IP6K2: variants seen among roughly 807,000 people sequenced by gnomAD.
The protein encoded by IP6K2 is inositol hexakisphosphate kinase 2.
IP6K2 carries 9 observed loss-of-function variants against 43.3 expected under a neutral mutation model. That is an observed-to-expected ratio of 0.21 (90% CI 0.13 to 0.36). The LOEUF (loss-of-function observed/expected upper bound fraction) is 0.36. IP6K2 is among the 10% of genes least tolerant of loss of function. The pLI is 1.00. For synonymous variants in IP6K2, 209 were observed against 202.4 expected, an observed-to-expected ratio of 1.03 and a Z score of -0.28; for missense variants, 332 against 538.4, an observed-to-expected ratio of 0.62 and a Z score of 3.79.
chr3:48,715,451 CCTT>C (rs988020854), intron 1 of IP6K2: 1 of 1,535,798 alleles, frequency 6.5e-7, no homozygotes, highest in African/African-American at 1.4e-5. Flanking sequence ...AGTGGTTGCT[CCTT>C]CTTTCCTGGC....
intron 1 of IP6K2, among the ~76,000 whole-genome samples, chr3:48,706,537 G>GT (rs2079804182): frequency 6.6e-6 from 1 of 152,134 alleles, no homozygotes; most frequent in Admixed American, 6.6e-5. Context: ...ACAGACAGTT[G>GT]TAATATTGCT....
chr3:48,707,378 C>G (rs527572409), intron 1 of IP6K2, among the ~76,000 whole-genome samples: 1 of 152,182 alleles, frequency 6.6e-6, no homozygotes, highest in South Asian at 2.1e-4. Context: ...CACGCACTGT[C>G]CTTAAGATGT....
At chr3:48,702,512 C>T (rs1197259453) in intron 1 of IP6K2, among the ~76,000 whole-genome samples, 9 of 150,806 alleles carry the variant, frequency 6.0e-5, no homozygotes, top group Non-Finnish European at 8.8e-5. Context: ...GGCGTAATCA[C>T]GGCTCACTGC....
intron 2 of IP6K2, 173 bp from the exon 3 acceptor site, chr3:48,693,352 C>T (rs766957060): frequency 2.7e-6 from 3 of 1,118,882 alleles, no homozygotes. Context: ...GAAAAGATGA[C>T]ACCATACAAG....
Position 48,695,391 on chromosome 3 carries a change from C to A in IP6K2, c.-100G>T, listed in dbSNP as rs560808078. On this transcript the variant is annotated 5_prime_UTR_variant, in exon 2 of 6. Transcript: ENST00000328631. The surrounding 1 kb of genome is among the most constrained non-coding windows in gnomAD (Gnocchi z 4.6). ...TGTCCGTGTGTCCCTCTCGTCTTGG[C>A]TCCTTGGCTTGTTCTGGCCAGGATG... The A allele has an allele frequency of 9.6e-6, 14 of 1,459,178 alleles. No homozygotes were observed. In the East Asian group the frequency reaches 3.2e-4, roughly 34 times the overall value. 90.4% of individuals were successfully genotyped at this position (1,459,178 alleles called of 1,614,324 possible).
intron 1 of IP6K2, among the ~76,000 whole-genome samples, chr3:48,712,163 G>A (rs182018452): frequency 1.3e-5 from 2 of 151,960 alleles, no homozygotes; most frequent in African/African-American, 4.8e-5. Context: ...GGATGCTGAA[G>A]CAGGAGGATT....
rs1017211312 is a variant in IP6K2 at position 48,696,003 on chromosome 3, A to G, written c.-130-582T>C. The stretch of plus-strand genomic sequence containing the variant: ...AGGGTTCAAGCCATTTTCCTGCCTC[A>G]GCCTCCCGAGTAGCTGGGATTACAG... On this transcript the variant is annotated intron_variant, in intron 1 of 5. Coordinates refer to ENST00000328631, the MANE Select transcript of IP6K2 (RefSeq NM_016291.4). 3.3e-5 allele frequency among the ~76,000 whole-genome samples: 5 copies of G among 151,446 alleles called. No homozygotes were observed. The East Asian group carries it at 7.7e-4, about 23-fold the overall frequency.
At chr3:48,704,199 G>A (rs1224282367) in intron 1 of IP6K2, among the ~76,000 whole-genome samples, 1 of 152,204 alleles carries the variant, frequency 6.6e-6, no homozygotes, top group African/African-American at 2.4e-5. Context: ...CTGAAAGGAT[G>A]TCTTGTGGGG....
chr3:48,708,944 T>G (rs902714803), intron 1 of IP6K2, among the ~76,000 whole-genome samples: 1 of 152,152 alleles, frequency 6.6e-6, no homozygotes, highest in African/African-American at 2.4e-5. Flanking sequence ...GGTACATGCC[T>G]GTTGTCCCAG....
chr3:48,701,726 G>A lies in IP6K2; in HGVS notation c.-130-6305C>T, dbSNP rs141540531. ...AGCCTGGCCAACATGATGAAACCCC[G>A]TCTCTACTAATAATACAAAAAATTA... On this transcript the variant is annotated intron_variant, in intron 1 of 5. Coordinates refer to ENST00000328631, the MANE Select transcript of IP6K2 (RefSeq NM_016291.4). Among the ~76,000 whole-genome samples the A allele has an allele frequency of 3.6e-3, 543 of 150,698 alleles. 6 individuals are homozygous for A. The highest frequency in any genetic ancestry group is 0.012 in the African/African-American group (503 of 40,962).
chr3:48,710,562 T>C (rs1341117108), intron 1 of IP6K2, among the ~76,000 whole-genome samples: 1 of 152,202 alleles, frequency 6.6e-6, no homozygotes, highest in Non-Finnish European at 1.5e-5. Context: ...GTCCTGTCCC[T>C]TACCTTTCCC....
intron 2 of IP6K2, 192 bp from the exon 3 acceptor site, chr3:48,693,371 T>C: frequency 8.7e-7 from 1 of 1,148,746 alleles, no homozygotes; most frequent in Non-Finnish European, 1.3e-6. Flanking sequence ...AGACAAGCAA[T>C]TAGGGAGCAA....
rs913475953 is a variant in IP6K2 at position 48,688,860 on chromosome 3, G to A, written c.781-87C>T. The A allele has an allele frequency of 2.9e-5, 40 of 1,395,024 alleles. No individual in the cohort carries two copies. Among genetic ancestry groups the A allele is most frequent in the African/African-American group, 1.7e-4 (12 of 69,856 alleles). 86.4% of individuals were successfully genotyped at this position (1,395,024 alleles called of 1,614,324 possible). On this transcript the variant is annotated intron_variant, in intron 5 of 5. Transcript: ENST00000328631. The surrounding 1 kb of genome is among the most constrained non-coding windows in gnomAD (Gnocchi z 5.1). ...GGGGGTGGGGTGGTGTGGTGGTGGC[G>A]GCATGTGACAGCCCAGATCAGATAA...
intron 1 of IP6K2, among the ~76,000 whole-genome samples, chr3:48,713,484 A>G (rs1349165200): frequency 6.6e-6 from 1 of 152,266 alleles, no homozygotes; most frequent in Non-Finnish European, 1.5e-5. Flanking sequence ...CCAACTGGGC[A>G]CATTCTCACA....
chr3:48,712,615 G>C (rs1374111406), intron 1 of IP6K2, among the ~76,000 whole-genome samples: 1 of 152,088 alleles, frequency 6.6e-6, no homozygotes, highest in Non-Finnish European at 1.5e-5. Flanking sequence ...TTGGGAGCCT[G>C]AGGCAAGAGG....
At chr3:48,703,594 A>G (rs56905068) in intron 1 of IP6K2, among the ~76,000 whole-genome samples, 82 of 150,860 alleles carry the variant, frequency 5.4e-4, no homozygotes, top group African/African-American at 1.8e-3. Flanking sequence ...GCAGGGGCCT[A>G]TAGTCCCAGC....
chr3:48,694,203 C>A, intron 2 of IP6K2: 1 of 1,551,248 alleles, frequency 6.4e-7, no homozygotes, highest in South Asian at 1.2e-5. Context: ...AAAAATGGGG[C>A]AGGGATGGCC....
chr3:48,706,191 G>C (rs2079759766), intron 1 of IP6K2, among the ~76,000 whole-genome samples: 1 of 151,958 alleles, frequency 6.6e-6, no homozygotes, highest in Non-Finnish European at 1.5e-5. Flanking sequence ...TGAGCTACAA[G>C]AGTGAAACTC....
intron 1 of IP6K2, among the ~76,000 whole-genome samples, chr3:48,704,163 A>G (rs1055892100): frequency 2.0e-5 from 3 of 152,232 alleles, no homozygotes; most frequent in African/African-American, 7.2e-5. Flanking sequence ...AAATAAAGCC[A>G]GGAAGGAAAC....
Sources: gnomAD v4.1 joint callset for allele counts (sites outside exome capture counted in the v4.1 genomes callset) on GRCh38, gnomAD v4.1.1 for gene constraint, Gnocchi (gnomAD v3.1) non-coding constraint, MANE v1.5 for transcripts, NCBI Gene and HGNC (gene_info 2026-07-23, HGNC 2026-07-21) for gene names.